JAK1: variants seen among roughly 807,000 people sequenced by gnomAD.
JAK1 encodes Janus kinase 1.
A neutral mutation model predicts 136.6 loss-of-function variants in JAK1; 16 were observed. That is an observed-to-expected ratio of 0.12 (90% confidence interval 0.08 to 0.18). The LOEUF is 0.18. Ranked by LOEUF, JAK1 falls within the 10% of genes least tolerant of loss-of-function variation. The probability of loss-of-function intolerance (pLI) is 1.00; values close to 1 mark genes in which losing one functional copy is unlikely to be tolerated. For missense variants in JAK1, 859 were observed against 1,450.1 expected, an observed-to-expected ratio of 0.59 and a Z score of 6.62; for synonymous variants, 492 against 519.5, an observed-to-expected ratio of 0.95 and a Z score of 0.72.
chr1:65,006,094 C>G (rs551372381), intron 2 of JAK1, among the ~76,000 whole-genome samples: 26 of 152,254 alleles, frequency 1.7e-4, no homozygotes, highest in African/African-American at 5.8e-4. Context: ...GAGATTTTAT[C>G]TCTTCACATA....
At chr1:65,028,463 G>A (rs959582968) in intron 2 of JAK1, among the ~76,000 whole-genome samples, 6 of 117,566 alleles carry the variant, frequency 5.1e-5, no homozygotes, top group Non-Finnish European at 8.2e-5. Context: ...ATGGAAGGAA[G>A]AAAGGAAGAA....
intron 1 of JAK1, among the ~76,000 whole-genome samples, chr1:65,067,241 C>T (rs1648096363): frequency 6.6e-6 from 1 of 150,732 alleles, no homozygotes; most frequent in Non-Finnish European, 1.5e-5. Context: ...AGGCGCTAGG[C>T]GCTGGGCAGT....
intron 3 of JAK1, among the ~76,000 whole-genome samples, chr1:64,882,366 A>G (rs35165806): frequency 7.9e-5 from 12 of 152,346 alleles, no homozygotes; most frequent in African/African-American, 2.9e-4. Context: ...ATCAGGCTGT[A>G]CGGCATCATA....
At chr1:65,033,100 G>A (rs144565368) in intron 2 of JAK1, among the ~76,000 whole-genome samples, 53 of 152,262 alleles carry the variant, frequency 3.5e-4, no homozygotes, top group African/African-American at 1.2e-3. Flanking sequence ...TGGACTTCCA[G>A]AAGCCATCTG....
At chr1:65,006,887 A>G (rs1357748294) in intron 2 of JAK1, among the ~76,000 whole-genome samples, 12 of 152,240 alleles carry the variant, frequency 7.9e-5, no homozygotes, top group Non-Finnish European at 1.3e-4. Context: ...ATCTGCCTTA[A>G]AAAGTTCCAT....
intron 2 of JAK1, among the ~76,000 whole-genome samples, chr1:64,971,714 A>C (rs1383441309): frequency 6.6e-6 from 1 of 152,116 alleles, no homozygotes; most frequent in African/African-American, 2.4e-5. Context: ...ACGTGCCAAC[A>C]TGCCTAGCTA....
At chr1:65,028,473 A>AAGGAAGGAAGGG (rs1242472944) in intron 2 of JAK1, among the ~76,000 whole-genome samples, 1 of 133,052 alleles carries the variant, frequency 7.5e-6, no homozygotes, top group Non-Finnish European at 1.6e-5. Context: ...GAAAGGAAGA[A>AAGGAAGGAAGGG]AGGAAGGAAG....
rs570588081 is a variant in JAK1, at chr1:65,004,732, A to G, written c.-78+39748T>C. Reference sequence around the variant, plus strand: ...GTGGTGTTTCCACAATAATAATTACAATGTGGTTATAATAATATAATCCAA... The same window carrying G: ...GTGGTGTTTCCACAATAATAATTACGATGTGGTTATAATAATATAATCCAA... On this transcript the variant is annotated intron_variant, in intron 2 of 25. Transcript: ENST00000671954. Among the ~76,000 whole-genome samples the G allele has an allele frequency of 3.3e-5, 5 of 152,316 alleles. No homozygotes were observed. In the South Asian group the frequency reaches 8.3e-4, roughly 25 times the overall value.
chr1:65,010,546 A>T (rs188260436), intron 2 of JAK1, among the ~76,000 whole-genome samples: 2 of 152,334 alleles, frequency 1.3e-5, no homozygotes, highest in African/African-American at 4.8e-5. Flanking sequence ...TTTCCTCTGG[A>T]CTGTATCGTC....
intron 2 of JAK1, among the ~76,000 whole-genome samples, chr1:65,024,660 C>CAAAAAAAAAAAAAAAA (rs11349903): frequency 3.6e-4 from 25 of 69,814 alleles, no homozygotes; most frequent in African/African-American, 6.3e-4. Context: ...TGGTCCAAAG[C>CAAAAAAAAAAAAAAAA]AAAAAAAAAA....
intron 1 of JAK1, among the ~76,000 whole-genome samples, chr1:64,913,017 A>G (rs1467334138): frequency 2.0e-5 from 3 of 152,106 alleles, no homozygotes; most frequent in Non-Finnish European, 4.4e-5. Context: ...ATACATATAA[A>G]AATTATATAT....
intron 11 of JAK1, among the ~76,000 whole-genome samples, chr1:64,851,712 A>C (rs1488882899): frequency 6.6e-6 from 1 of 152,248 alleles, no homozygotes; most frequent in Non-Finnish European, 1.5e-5. Flanking sequence ...GAACGAGGTT[A>C]TCATAAGGCA....
chr1:64,859,870 A>G (rs1570652435), intron 9 of JAK1: 2 of 351,656 alleles, frequency 5.7e-6, no homozygotes, highest in East Asian at 8.3e-5. Context: ...AGGGGGTTAA[A>G]CTATGAAGAG....
intron 1 of JAK1, among the ~76,000 whole-genome samples, chr1:64,956,777 T>C (rs1035694293): frequency 1.6e-4 from 25 of 152,254 alleles, no homozygotes; most frequent in African/African-American, 6.0e-4. Flanking sequence ...CAACTGGAGC[T>C]CAGGCAAAAG....
At chr1:65,026,963 C>T (rs1347193015) in intron 2 of JAK1, among the ~76,000 whole-genome samples, 1 of 151,646 alleles carries the variant, frequency 6.6e-6, no homozygotes, top group Non-Finnish European at 1.5e-5. Context: ...AAAATAAAAA[C>T]CATTTTTTTT....
intron 2 of JAK1, among the ~76,000 whole-genome samples, chr1:65,008,131 T>G (rs907592229): frequency 1.3e-4 from 20 of 152,124 alleles, no homozygotes; most frequent in Non-Finnish European, 2.5e-4. Context: ...TCCAACCAAT[T>G]GGGATTAGGG....
At chr1:64,839,017 G>C (rs1422994000) in intron 20 of JAK1, among the ~76,000 whole-genome samples, 2 of 150,716 alleles carry the variant, frequency 1.3e-5, no homozygotes, top group Non-Finnish European at 1.5e-5. Flanking sequence ...GTGATGGCGG[G>C]CGCCTGTAGT....
intron 2 of JAK1, chr1:64,993,213 T>A (rs1228553717): frequency 1.3e-5 from 2 of 152,250 alleles, no homozygotes; most frequent in Admixed American, 6.5e-5. Flanking sequence ...TGTTTTAAAG[T>A]CGACTTTTAA....
intron 1 of JAK1, among the ~76,000 whole-genome samples, chr1:65,061,171 C>A (rs900932600): frequency 3.9e-5 from 6 of 152,150 alleles, no homozygotes; most frequent in South Asian, 2.1e-4. Context: ...GTAATCTCAG[C>A]GCCTTAGGAG....
Sources: allele counts gnomAD v4.1 joint callset (sites outside exome capture counted in the v4.1 genomes callset), GRCh38; gene constraint gnomAD v4.1.1; transcripts MANE v1.5; gene names NCBI Gene and HGNC (gene_info 2026-07-23, HGNC 2026-07-21).